ZNF578: variants seen among roughly 807,000 people sequenced by gnomAD.
The protein encoded by ZNF578 is zinc finger protein 578.
Under a neutral mutation model 8.3 loss-of-function variants are expected in ZNF578, and 8 were observed. The observed-to-expected ratio is 0.96, with a 90% CI of 0.56 to 1.74. ZNF578 has a LOEUF of 1.74. ZNF578 is among the 40% of genes most tolerant of loss of function. ZNF578 has a pLI of 0.00. For synonymous variants in ZNF578, 206 were observed against 232.2 expected (o/e 0.89, Z 1.03); for missense variants, 726 against 707.5 (o/e 1.03, Z -0.30).
At chr19:52,457,533 G>A (rs1392170483) in intron 2 of ZNF578, 1 of 152,098 alleles carries the variant, frequency 6.6e-6, no homozygotes, top group Non-Finnish European at 1.5e-5. Context: ...GTGGTCATAA[G>A]TTCTGAAGGC....
At chr19:52,486,297 C>T (rs1258199662) in intron 2 of ZNF578, among the ~76,000 whole-genome samples, 4 of 152,148 alleles carry the variant, frequency 2.6e-5, no homozygotes, top group Non-Finnish European at 1.5e-5. Flanking sequence ...CCACATCCCC[C>T]TCTCTGAGAT....
rs552606828 is a variant in ZNF578, at chr19:52,511,310, C to G, written c.929C>G (p.Thr310Ser). 3 of 1,614,022 alleles carry G rather than the reference C, an allele frequency of 1.9e-6. No homozygotes were observed. In the South Asian group the frequency reaches 3.3e-5, roughly 18 times the overall value. The stretch of plus-strand genomic sequence containing the variant: ...CTGACATGCCATCGTAGATGTCACA[C>G]TGGTGAGAAACCTTACAAGTGTAAT... ...SSLTCHRRCH[T>S]GEKPYKCNEC... The change falls in exon 6 of 6, where the codon ACT becomes AGT. Residue 310 changes from threonine (T) to serine (S), a missense_variant. Transcript: ENST00000421239.
At chr19:52,508,894 T>A (rs1311477012) in intron 5 of ZNF578, among the ~76,000 whole-genome samples, 3 of 26,136 alleles carry the variant, frequency 1.1e-4, no homozygotes, top group African/African-American at 9.2e-4. Context: ...TATTAGTCAA[T>A]TTTTTTTTTT....
At chr19:52,467,623 A>T (rs898243414) in intron 2 of ZNF578, among the ~76,000 whole-genome samples, 2 of 151,928 alleles carry the variant, frequency 1.3e-5, no homozygotes, top group African/African-American at 4.8e-5. Context: ...GCTCTTAAAA[A>T]AGAAAAAAAA....
At chr19:52,458,417 C>T (rs2059245838) in intron 2 of ZNF578, 1 of 141,252 alleles carries the variant, frequency 7.1e-6, no homozygotes, top group Non-Finnish European at 1.5e-5. Flanking sequence ...CTATCAAGAA[C>T]ATGTGAAATT....
In ZNF578 at chr19:52,511,675, T is replaced by C. The variant is rs1444091869; in HGVS notation, c.1294T>C (p.Cys432Arg). The change falls in exon 6 of 6, where the codon TGT (cysteine) becomes CGT (arginine). Residue 432 changes from cysteine (C) to arginine (R), a missense_variant. By Grantham distance (180) the Cys-to-Arg change is radical (BLOSUM62 -3). Transcript: ENST00000421239. Reference protein sequence around the residue: ...TGEKPYKCNDCGKAFIHQSSL... With the variant: ...TGEKPYKCNDRGKAFIHQSSL... ...AGAGAAACCTTACAAGTGTAATGAC[T>C]GTGGTAAGGCTTTTATTCATCAGTC... The C allele has an allele frequency of 5.6e-6, 9 of 1,613,968 alleles. No homozygotes were observed. Among genetic ancestry groups the C allele is most frequent in the Non-Finnish European group, 7.6e-6 (9 of 1,179,970 alleles).
At chr19:52,482,891 T>C (rs2059331743) in intron 2 of ZNF578, among the ~76,000 whole-genome samples, 1 of 143,650 alleles carries the variant, frequency 7.0e-6, no homozygotes, top group South Asian at 2.2e-4. Context: ...CAGTGAGCCA[T>C]GATGGCACTA....
At chr19:52,482,070 G>T (rs1384176664) in intron 2 of ZNF578, among the ~76,000 whole-genome samples, 1 of 151,320 alleles carries the variant, frequency 6.6e-6, no homozygotes, top group Non-Finnish European at 1.5e-5. Flanking sequence ...TTTTGCTCTT[G>T]TTGTCCAGGC....
chr19:52,466,824 T>C (rs1379639), intron 2 of ZNF578, among the ~76,000 whole-genome samples: 128,406 of 152,144 alleles, frequency 0.84, 56,048 homozygotes, highest in Non-Finnish European at 0.96. Flanking sequence ...GTAGTTTCCA[T>C]GGCCTTAAAT....
intron 2 of ZNF578, among the ~76,000 whole-genome samples, chr19:52,477,611 T>C (rs906160721): frequency 1.3e-5 from 2 of 151,842 alleles, no homozygotes; most frequent in Admixed American, 6.6e-5. Flanking sequence ...TTTTTTTTTT[T>C]CCATTTTAGG....
Position 52,514,151 on chromosome 19 carries a change from T to A in ZNF578, c.*1997T>A, listed in dbSNP as rs1191190538. Among the ~76,000 whole-genome samples, 1 of 152,180 alleles carries A rather than the reference T, an allele frequency of 6.6e-6. No individual in the cohort carries two copies. The highest frequency in any genetic ancestry group is 1.5e-5 in the Non-Finnish European group (1 of 68,018). ...TATTTTTTCTTTTTTGCAGATTGAG[T>A]TTGAGATATATCTTAGTTTTAATAG... On this transcript the variant is annotated 3_prime_UTR_variant, in exon 6 of 6. Transcript: ENST00000421239.
At position 52,511,512 on chromosome 19, in the gene ZNF578, C is replaced by G. The variant is rs2059446544; in HGVS notation, c.1131C>G (p.Gly377=). 6.2e-7 allele frequency: 1 copy of G among 1,613,578 alleles called. No individual in the cohort carries two copies. Among genetic ancestry groups the G allele is most frequent in the East Asian group, 2.2e-5 (1 of 44,848 alleles). Residue 377 remains glycine, a synonymous_variant, in exon 6 of 6, where the codon GGC becomes GGG. Transcript: ENST00000421239. The stretch of plus-strand genomic sequence containing the variant: ...AACCTTACAAGTGTAATGAGTGTGG[C>G]AAGATGTTTGGTCAAAATTCAACCC... ...GIKPYKCNEC[G]KMFGQNSTLV...
At chr19:52,507,085 T>C (rs1409958767) in intron 5 of ZNF578, among the ~76,000 whole-genome samples, 2 of 152,028 alleles carry the variant, frequency 1.3e-5, no homozygotes, top group Non-Finnish European at 2.9e-5. Flanking sequence ...AAACCTTGAA[T>C]CTACTAAATT....
At chr19:52,488,162 G>A (rs1230994557) in intron 2 of ZNF578, among the ~76,000 whole-genome samples, 1 of 152,000 alleles carries the variant, frequency 6.6e-6, no homozygotes, top group Admixed American at 6.5e-5. Context: ...TGTTGGTCCA[G>A]GCTGGTCTCT....
intron 2 of ZNF578, among the ~76,000 whole-genome samples, chr19:52,476,257 G>A (rs867107072): frequency 6.6e-6 from 1 of 152,092 alleles, no homozygotes; most frequent in South Asian, 2.1e-4. Context: ...ACCATCTTCC[G>A]GGCTTTTTTG....
At chr19:52,500,072 C>G (rs1461106715) in intron 3 of ZNF578, among the ~76,000 whole-genome samples, 1 of 152,132 alleles carries the variant, frequency 6.6e-6, no homozygotes, top group East Asian at 1.9e-4. Flanking sequence ...GACAAGCAGC[C>G]TTTCTTTCCT....
intron 2 of ZNF578, among the ~76,000 whole-genome samples, chr19:52,484,359 T>G (rs1366914866): frequency 2.0e-5 from 3 of 152,162 alleles, no homozygotes; most frequent in South Asian, 2.1e-4. Flanking sequence ...AAAGAGGCCT[T>G]CCTTCCTCTT....
rs1428717738 is a variant in ZNF578 at position 52,513,381 on chromosome 19, A to T, written c.*1227A>T. ...TTTTTTGAGATAGTACTTTTTAAAGAGATAGTACTTTTTTGAGATAGTACT... is the reference window on the plus strand; with the variant it reads ...TTTTTTGAGATAGTACTTTTTAAAGTGATAGTACTTTTTTGAGATAGTACT... On this transcript the variant is annotated 3_prime_UTR_variant, in exon 6 of 6. Transcript: ENST00000421239. Among the ~76,000 whole-genome samples the T allele has an allele frequency of 7.6e-6, 1 of 132,438 alleles. No individual in the cohort carries two copies. The highest frequency in any genetic ancestry group is 1.6e-5 in the Non-Finnish European group (1 of 63,146). 86.9% of individuals were successfully genotyped at this position (132,438 alleles called of 152,430 possible).
At chr19:52,495,356 A>C (rs561399588) in intron 3 of ZNF578, among the ~76,000 whole-genome samples, 4 of 146,592 alleles carry the variant, frequency 2.7e-5, no homozygotes, top group Admixed American at 2.1e-4. Context: ...AGGCCGAGGC[A>C]GGAGAATCAC....
Sources: gnomAD v4.1 joint callset for allele counts (sites outside exome capture counted in the v4.1 genomes callset) on GRCh38, gnomAD v4.1.1 for gene constraint, MANE v1.5 for transcripts, NCBI Gene and HGNC (gene_info 2026-07-23, HGNC 2026-07-21) for gene names.